The following WNT2B variants were observed in gnomAD, a reference collection of about 807,000 sequenced individuals.
WNT2B encodes the protein protein Wnt-2b.
In WNT2B, 19 loss-of-function variants were observed where a neutral mutation model predicts 40.5. The ratio of observed to expected loss-of-function variants is 0.47; its 90% CI spans 0.33 to 0.69. WNT2B has a LOEUF of 0.69. Ranked by LOEUF, WNT2B falls within the 30% of genes least tolerant of loss-of-function variation. The pLI is 0.02. For synonymous variants in WNT2B, 220 were observed against 211.9 expected (o/e 1.04, Z -0.33); for missense variants, 467 against 556.4 (o/e 0.84, Z 1.62).
intron 1 of WNT2B, among the ~76,000 whole-genome samples, chr1:112,490,448 G>A (rs1363847801): frequency 1.3e-5 from 2 of 152,180 alleles, no homozygotes; most frequent in East Asian, 1.9e-4. Context: ...CAAAGAGAGA[G>A]AGATAAGAGA....
Position 112,512,065 on chromosome 1 carries a change from C to T in WNT2B, c.182+2621C>T, listed in dbSNP as rs573150310. Among the ~76,000 whole-genome samples, 7 of 150,210 alleles carry T rather than the reference C, an allele frequency of 4.7e-5. No individual in the cohort carries two copies. The East Asian group carries it at 9.7e-4, about 21-fold the overall frequency. On this transcript the variant is annotated intron_variant, in intron 1 of 4. Transcript: ENST00000369684. Reference sequence around the variant, plus strand: ...AATCATGTACACTAGGGGCTGTACACGAAAGGAGGAAAGAAAAAAAAAAAG... The same window carrying T: ...AATCATGTACACTAGGGGCTGTACATGAAAGGAGGAAAGAAAAAAAAAAAG...
At chr1:112,519,958 C>T (rs569001361) in intron 4 of WNT2B, among the ~76,000 whole-genome samples, 5 of 149,432 alleles carry the variant, frequency 3.3e-5, no homozygotes, top group South Asian at 4.2e-4. Flanking sequence ...ACTGCAGCCT[C>T]GACCTCCCAG....
chr1:112,487,933 CAAAAAAAAAAA>C (rs59297238), intron 1 of WNT2B, among the ~76,000 whole-genome samples: 2 of 68,204 alleles, frequency 2.9e-5, no homozygotes, highest in Admixed American at 1.9e-4. Flanking sequence ...GGCTCTGACT[CAAAAAAAAAAA>C]AAAAAAAAAA....
chr1:112,520,416 G>C lies in WNT2B; in HGVS notation c.1083G>C (p.Trp361Cys), dbSNP rs753209433. 2 of 1,614,038 alleles carry C rather than the reference G, an allele frequency of 1.2e-6. No homozygotes were observed. The highest frequency in any genetic ancestry group is 2.7e-5 in the African/African-American group (2 of 74,908). Residue 361 changes from tryptophan to cysteine, a missense_variant, in exon 5 of 5, where the codon TGG becomes TGC. This residue lies in a region of WNT2B where 330 missense variants were observed against 438.6 expected (regional missense o/e 0.75). Transcript: ENST00000369684. ...RVTQCECKFH[W>C]CCAVRCKECR... ...CCCAGTGTGAGTGCAAATTCCACTG[G>C]TGCTGTGCTGTACGGTGCAAGGAAT...
At chr1:112,482,828 T>C (rs577914461) in intron 1 of WNT2B, among the ~76,000 whole-genome samples, 1 of 152,302 alleles carries the variant, frequency 6.6e-6, no homozygotes, top group African/African-American at 2.4e-5. Flanking sequence ...CGCATGTCCA[T>C]AGATTGAAAA....
chr1:112,516,564 A>T lies in WNT2B; in HGVS notation c.681+147A>T. ...CCCAACATCCTGGGACAGGAGAACT[A>T]AATGCAAGGGAGCTTAGGAATGCCT... On this transcript the variant is annotated intron_variant, in intron 3 of 4. Transcript: ENST00000369684. 3.5e-6 allele frequency: 4 copies of T among 1,135,844 alleles called. No individual in the cohort carries two copies. In the South Asian group the frequency reaches 6.8e-5, roughly 19 times the overall value. The allele number at this position is 1,135,844 out of a possible 1,614,324, so 70.4% of individuals were successfully genotyped here. A position where few individuals can be genotyped will look rare whatever the true frequency, so the allele number is the denominator to read the frequency against.
At chr1:112,483,181 TACAC>T (rs58250277) in intron 1 of WNT2B, among the ~76,000 whole-genome samples, 4,253 of 141,160 alleles carry the variant, frequency 0.03, 59 homozygotes, top group Middle Eastern at 0.065. Context: ...GCAACATAGA[TACAC>T]ACACACACAC....
chr1:112,525,833 C>T lies in WNT2B; in HGVS notation c.*5324C>T, dbSNP rs1399045687. ...CATCTACAGTTGTCCTTTTTGACAG[C>T]TTCCAAGGGGGGTTTGCCTAGGAAT... On this transcript the variant is annotated 3_prime_UTR_variant, in exon 5 of 5. Coordinates refer to ENST00000369684, the MANE Select transcript of WNT2B (RefSeq NM_024494.3). 1.2e-5 allele frequency: 9 copies of T among 743,370 alleles called. No homozygotes were observed. Among genetic ancestry groups the T allele is most frequent in the Non-Finnish European group, 1.8e-5 (9 of 498,670 alleles). The allele number at this position is 743,370 out of a possible 1,614,324, so 46.0% of individuals were successfully genotyped here.
chr1:112,483,181 T>TAC (rs58250277), intron 1 of WNT2B, among the ~76,000 whole-genome samples: 2,509 of 141,162 alleles, frequency 0.018, 31 homozygotes, highest in African/African-American at 0.034. Flanking sequence ...GCAACATAGA[T>TAC]ACACACACAC....
exon 1 of WNT2B, chr1:112,467,378 G>C (rs1254051046): frequency 1.6e-6 from 1 of 611,442 alleles, no homozygotes; most frequent in Non-Finnish European, 3.0e-6. Context: ...AAGCTAATGA[G>C]GTTTAAGCTT....
chr1:112,517,082 C>A (rs759692112), intron 3 of WNT2B, 39 bp from the exon 4 acceptor site: 2 of 1,592,266 alleles, frequency 1.3e-6, no homozygotes, highest in Non-Finnish European at 1.7e-6. Flanking sequence ...TGTGTCCTGA[C>A]CAGCTACTTC....
intron 1 of WNT2B, among the ~76,000 whole-genome samples, chr1:112,498,141 T>C (rs1651837672): frequency 6.6e-6 from 1 of 151,816 alleles, no homozygotes; most frequent in Non-Finnish European, 1.5e-5. Flanking sequence ...CTCCCACTTA[T>C]GAGTGAGAAC....
rs1416237455 is a variant in WNT2B, at chr1:112,515,260, A to G, written c.403+166A>G. ...ATATAATTGGGAACAGACTCTTAGCATCTTAGATTTGTAGACAGGGGCTCC... is the reference window on the plus strand; with the variant it reads ...ATATAATTGGGAACAGACTCTTAGCGTCTTAGATTTGTAGACAGGGGCTCC... On this transcript the variant is annotated intron_variant, in intron 2 of 4. Coordinates refer to ENST00000369684, the MANE Select transcript of WNT2B (RefSeq NM_024494.3). The surrounding 1 kb of genome is among the most constrained non-coding windows in gnomAD (Gnocchi z 4.4). Among the ~76,000 whole-genome samples the G allele has an allele frequency of 1.3e-5, 2 of 152,218 alleles. No individual in the cohort carries two copies. The highest frequency in any genetic ancestry group is 2.4e-5 in the African/African-American group (1 of 41,452).
Position 112,521,331 on chromosome 1 carries a change from T to C in WNT2B, c.*822T>C, listed in dbSNP as rs562310702. ...GTTGCCTTTTTTTTTTTTTTTTTTT[T>C]CTTTTCTTTTCTTCTCTTCCCATGC... is the stretch of plus-strand genomic sequence containing the variant. On this transcript the variant is annotated 3_prime_UTR_variant, in exon 5 of 5. Coordinates refer to ENST00000369684, the MANE Select transcript of WNT2B (RefSeq NM_024494.3). 16 of 109,052 alleles carry C rather than the reference T, an allele frequency of 1.5e-4. No homozygotes were observed. The highest frequency in any genetic ancestry group is 4.4e-4 in the African/African-American group (12 of 27,482). 6.8% of individuals were successfully genotyped at this position (109,052 alleles called of 1,614,324 possible). A position where few individuals can be genotyped will look rare whatever the true frequency, so the allele number is the denominator to read the frequency against.
At chr1:112,519,519 T>A (rs544015105) in intron 4 of WNT2B, among the ~76,000 whole-genome samples, 5 of 152,266 alleles carry the variant, frequency 3.3e-5, no homozygotes, top group African/African-American at 1.2e-4. Flanking sequence ...GTTGGCAGGA[T>A]CTCTTTTGCT....
At chr1:112,486,132 A>AACACACACACACACAC (rs71584737) in intron 1 of WNT2B, among the ~76,000 whole-genome samples, 10,824 of 143,670 alleles carry the variant, frequency 0.075, 664 homozygotes, top group East Asian at 0.27. Context: ...ATGAGTTTTT[A>AACACACACACACACAC]ACACACACAC....
chr1:112,478,183 G>C (rs994198920), intron 1 of WNT2B, among the ~76,000 whole-genome samples: 1 of 152,062 alleles, frequency 6.6e-6, no homozygotes, highest in Non-Finnish European at 1.5e-5. Context: ...GCAATGAGCT[G>C]TGATTGCACC....
chr1:112,499,588 C>T (rs1651884684), intron 1 of WNT2B, among the ~76,000 whole-genome samples: 1 of 152,088 alleles, frequency 6.6e-6, no homozygotes, highest in Non-Finnish European at 1.5e-5. Flanking sequence ...TACAACAAAA[C>T]CCCACACCCA....
intron 1 of WNT2B, among the ~76,000 whole-genome samples, chr1:112,484,113 A>G (rs1651321824): frequency 1.4e-5 from 2 of 138,954 alleles, no homozygotes; most frequent in African/African-American, 5.0e-5. Context: ...ATATATATAT[A>G]ATTTTATATA....
Sources: gnomAD v4.1 joint callset for allele counts (sites outside exome capture counted in the v4.1 genomes callset) on GRCh38, gnomAD v4.1.1 for gene constraint, gnomAD v4.1.1 regional missense constraint, Gnocchi (gnomAD v3.1) non-coding constraint, MANE v1.5 for transcripts, NCBI Gene and HGNC (gene_info 2026-07-23, HGNC 2026-07-21) for gene names.